TRAT1: variants seen among roughly 807,000 people sequenced by gnomAD.
TRAT1 encodes the protein T-cell receptor-associated transmembrane adapter 1.
TRAT1 carries 20 observed loss-of-function variants against 20.0 expected under a neutral mutation model. The observed-to-expected ratio is 1.00, with a 90% CI of 0.70 to 1.45. The LOEUF (loss-of-function observed/expected upper bound fraction) is 1.45, where lower values mean the gene tolerates loss of function less well. Ranked by LOEUF, TRAT1 falls within the 40% of genes most tolerant of loss-of-function variation. The probability of loss-of-function intolerance (pLI) is 0.00; values close to 1 mark genes in which losing one functional copy is unlikely to be tolerated. For missense variants in TRAT1, 237 were observed against 224.1 expected (o/e 1.06, Z -0.37); for synonymous variants, 77 against 74.2 (o/e 1.04, Z -0.20).
chr3:108,829,675 G>T (rs542212840), intron 1 of TRAT1, among the ~76,000 whole-genome samples: 64 of 151,466 alleles, frequency 4.2e-4, no homozygotes, highest in Admixed American at 9.9e-4. Flanking sequence ...ATTATAATGG[G>T]GCTGAAAAAC....
rs775317357 is a variant in TRAT1 at position 108,849,204 on chromosome 3, C to T, written c.253C>T (p.Arg85Ter). 13 of 1,613,906 alleles carry T rather than the reference C, an allele frequency of 8.1e-6. No homozygotes were observed. Among genetic ancestry groups the T allele is most frequent in the East Asian group, 4.5e-5 (2 of 44,874 alleles). The change falls in exon 5 of 6, where the codon CGA (arginine) becomes TGA (stop). Residue 85 changes from arginine (R) to a stop codon, truncating the protein, a stop_gained. Transcript: ENST00000295756. LOFTEE classifies it low-confidence loss of function (END_TRUNC). ...DENCYEQMKARPEKSVNKMQE... is the reference protein window; with the variant it reads ...DENCYEQMKA ...AAATTGCTATGAACAAATGAAAGCCCGACCAGAGAAATCTGTAAATAAGAT... is the reference window on the plus strand; with the variant it reads ...AAATTGCTATGAACAAATGAAAGCCTGACCAGAGAAATCTGTAAATAAGAT...
chr3:108,840,663 T>C (rs993848014), intron 3 of TRAT1, among the ~76,000 whole-genome samples: 4 of 152,060 alleles, frequency 2.6e-5, no homozygotes, highest in Admixed American at 6.5e-5. Flanking sequence ...GGATATAGGA[T>C]AGCAAAGATC....
At chr3:108,829,580 T>C (rs1945771766) in intron 1 of TRAT1, among the ~76,000 whole-genome samples, 1 of 25,718 alleles carries the variant, frequency 3.9e-5, no homozygotes, top group South Asian at 1.0e-3. Flanking sequence ...CAAGACTCCA[T>C]CTCAAAACAC....
intron 1 of TRAT1, 45 bp downstream of exon 1, chr3:108,822,979 A>C: frequency 6.3e-7 from 1 of 1,577,144 alleles, no homozygotes; most frequent in Non-Finnish European, 8.7e-7. Flanking sequence ...GTGTCTAAAA[A>C]TTCACTTAAT....
At chr3:108,833,091 G>C (rs144376338) in intron 2 of TRAT1, among the ~76,000 whole-genome samples, 13 of 152,200 alleles carry the variant, frequency 8.5e-5, no homozygotes, top group Non-Finnish European at 1.6e-4. Context: ...ATGGTAATTT[G>C]ACCACTGCAG....
intron 2 of TRAT1, among the ~76,000 whole-genome samples, chr3:108,835,365 C>CT (rs1041085536): frequency 2.0e-5 from 3 of 152,196 alleles, no homozygotes; most frequent in African/African-American, 7.2e-5. Flanking sequence ...AAAGCATACA[C>CT]TTTTTTTATT....
At chr3:108,838,356 TGATAGATAGATAGATA>T (rs11371183) in intron 2 of TRAT1, among the ~76,000 whole-genome samples, 65 of 77,034 alleles carry the variant, frequency 8.4e-4, no homozygotes, top group East Asian at 1.1e-3. Context: ...TATAGATAGA[TGATAGATAGATAGATA>T]GATAGATAGA....
chr3:108,832,483 T>C (rs1202255550), intron 2 of TRAT1, among the ~76,000 whole-genome samples: 2 of 152,220 alleles, frequency 1.3e-5, no homozygotes, highest in African/African-American at 2.4e-5. Context: ...CCCTCCTTTA[T>C]AGATAAAAAT....
intron 1 of TRAT1, among the ~76,000 whole-genome samples, chr3:108,827,879 T>C (rs1296452056): frequency 1.3e-5 from 2 of 152,136 alleles, no homozygotes; most frequent in African/African-American, 4.8e-5. Flanking sequence ...TGAAAATTAT[T>C]AGGACTTTCC....
In TRAT1 at chr3:108,853,719, G is replaced by A. The variant is rs368920474; in HGVS notation, c.403G>A (p.Asp135Asn). The A allele has an allele frequency of 2.5e-6, 4 of 1,614,050 alleles. No individual in the cohort carries two copies. The highest frequency in any genetic ancestry group is 3.4e-6 in the Non-Finnish European group (4 of 1,180,018). ...ACAGAATACTCATTTCTCAGACAAG[G>A]ATGGAGATGAGCAACTACATGCAAT... ...RKQNTHFSDK[D>N]GDEQLHAIDA... The change falls in exon 6 of 6, where the codon GAT becomes AAT. Residue 135 changes from aspartate (D) to asparagine (N), a missense_variant. Asp to Asn is a conservative substitution (Grantham distance 23). Coordinates refer to ENST00000295756, the MANE Select transcript of TRAT1 (RefSeq NM_016388.4).
chr3:108,833,834 C>A (rs997252529), intron 2 of TRAT1, among the ~76,000 whole-genome samples: 1 of 137,150 alleles, frequency 7.3e-6, no homozygotes, highest in Admixed American at 7.3e-5. Context: ...ACACACACAT[C>A]TTTGCATAGT....
chr3:108,833,277 G>C (rs1480070727), intron 2 of TRAT1, among the ~76,000 whole-genome samples: 1 of 152,140 alleles, frequency 6.6e-6, no homozygotes, highest in East Asian at 1.9e-4. Context: ...AATTAGCTGG[G>C]CATAGTGGCG....
rs144318236 is a variant in TRAT1 at position 108,829,586 on chromosome 3, A to AACACACACACACACACACAC, written c.8-1072_8-1053dup. On this transcript the variant is annotated intron_variant, in intron 1 of 5. Coordinates refer to ENST00000295756, the MANE Select transcript of TRAT1 (RefSeq NM_016388.4). ...GCGAAAGAGCAAGACTCCATCTCAA[A>AACACACACACACACACACAC]ACACACACACACACACACACACACA... Among the ~76,000 whole-genome samples the AACACACACACACACACACAC allele has an allele frequency of 8.8e-3, 1,256 of 142,526 alleles. 9 individuals carry two copies. Among genetic ancestry groups the AACACACACACACACACACAC allele is most frequent in the Non-Finnish European group, 0.011 (735 of 65,842 alleles). 93.5% of individuals were successfully genotyped at this position (142,526 alleles called of 152,430 possible).
chr3:108,848,171 A>C (rs559658672), intron 4 of TRAT1, among the ~76,000 whole-genome samples: 1 of 152,274 alleles, frequency 6.6e-6, no homozygotes, highest in South Asian at 2.1e-4. Flanking sequence ...TTCCATACTT[A>C]AGTGAGCCCA....
At position 108,845,704 on chromosome 3, in the gene TRAT1, C is replaced by CT. The variant is rs377552228; in HGVS notation, c.153-1353dup. On this transcript the variant is annotated intron_variant, in intron 3 of 5. Coordinates refer to ENST00000295756, the MANE Select transcript of TRAT1 (RefSeq NM_016388.4). ...GGTGTTATGCCTTGAGATAAGAGTC[C>CT]TTTTTTTTTTTCTTTTGATGAAATT... Among the ~76,000 whole-genome samples, 913 of 146,052 alleles carry CT rather than the reference C, an allele frequency of 6.3e-3. 22 individuals carry two copies. The highest frequency in any genetic ancestry group is 0.054 in the Admixed American group (793 of 14,666).
At chr3:108,827,420 G>A (rs1022926226) in intron 1 of TRAT1, among the ~76,000 whole-genome samples, 1 of 140,886 alleles carries the variant, frequency 7.1e-6, no homozygotes, top group South Asian at 2.3e-4. Flanking sequence ...GTGTGTGTGT[G>A]TACGTTTATA....
intron 3 of TRAT1, among the ~76,000 whole-genome samples, chr3:108,844,843 C>CAAAAAAAAAAAAAAAA (rs71103495): frequency 4.8e-4 from 23 of 47,830 alleles, no homozygotes; most frequent in African/African-American, 2.0e-3. Flanking sequence ...GACTCTGTCT[C>CAAAAAAAAAAAAAAAA]AAAAAAAAAA....
intron 2 of TRAT1, 61 bp downstream of exon 2, chr3:108,830,841 GA>G: frequency 9.5e-7 from 1 of 1,049,628 alleles, no homozygotes; most frequent in Admixed American, 1.8e-5. Context: ...GGAGTCACTG[GA>G]AAACCTATGG....
chr3:108,831,190 G>C (rs1490268157), intron 2 of TRAT1, among the ~76,000 whole-genome samples: 2 of 152,150 alleles, frequency 1.3e-5, no homozygotes, highest in Non-Finnish European at 2.9e-5. Flanking sequence ...GATCAGTCAG[G>C]CATTCTCACA....
Sources: gnomAD v4.1 joint callset for allele counts (sites outside exome capture counted in the v4.1 genomes callset) on GRCh38, gnomAD v4.1.1 for gene constraint, MANE v1.5 for transcripts, NCBI Gene and HGNC (gene_info 2026-07-23, HGNC 2026-07-21) for gene names.